The following KSR2 variants were observed in gnomAD, a reference collection of about 807,000 sequenced individuals.
The protein encoded by KSR2 is kinase suppressor of ras 2.
KSR2 carries 25 observed loss-of-function variants against 107.8 expected under a neutral mutation model. The ratio of observed to expected loss-of-function variants is 0.23; its 90% CI spans 0.17 to 0.32. KSR2 has a LOEUF of 0.32. Ranked by LOEUF, KSR2 falls within the 10% of genes least tolerant of loss-of-function variation. KSR2 has a pLI of 1.00. For synonymous variants in KSR2, 480 were observed against 507.0 expected (o/e 0.95, Z 0.71); for missense variants, 887 against 1,268.9 (o/e 0.70, Z 4.57).
chr12:117,791,860 CTG>C (rs2136975972), intron 3 of KSR2, among the ~76,000 whole-genome samples: 1 of 152,330 alleles, frequency 6.6e-6, no homozygotes, highest in East Asian at 1.9e-4. Context: ...TAAACGTACT[CTG>C]TGTATTTTAG....
intron 19 of KSR2, among the ~76,000 whole-genome samples, chr12:117,469,103 C>T (rs550551077): frequency 2.2e-4 from 33 of 152,268 alleles, no homozygotes; most frequent in African/African-American, 7.9e-4. Context: ...CTCATTATCT[C>T]AGATAGAGCT....
intron 5 of KSR2, among the ~76,000 whole-genome samples, chr12:117,633,461 A>T (rs971986438): frequency 6.6e-6 from 1 of 152,140 alleles, no homozygotes; most frequent in Non-Finnish European, 1.5e-5. Context: ...AAAATCACAA[A>T]CCGTGTGCCT....
intron 7 of KSR2, among the ~76,000 whole-genome samples, chr12:117,560,049 T>G (rs1165706324): frequency 6.6e-6 from 1 of 152,180 alleles, no homozygotes; most frequent in Non-Finnish European, 1.5e-5. Flanking sequence ...CTCTTTAAAA[T>G]AATGGTTTGA....
chr12:117,639,628 C>CATATTATTATTATTA (rs1565939319), intron 5 of KSR2, among the ~76,000 whole-genome samples: 1 of 52,186 alleles, frequency 1.9e-5, no homozygotes, highest in Non-Finnish European at 3.8e-5. Flanking sequence ...CCGCACCCAG[C>CATATTATTATTATTA]GTATTATTAT....
At chr12:117,607,337 C>T (rs1881330765) in intron 5 of KSR2, among the ~76,000 whole-genome samples, 2 of 152,266 alleles carry the variant, frequency 1.3e-5, no homozygotes, top group South Asian at 2.1e-4. Context: ...TAGTCTTCTC[C>T]GTGACTATGG....
intron 4 of KSR2, among the ~76,000 whole-genome samples, chr12:117,724,688 A>G (rs1170900197): frequency 6.6e-6 from 1 of 152,092 alleles, no homozygotes; most frequent in Non-Finnish European, 1.5e-5. Flanking sequence ...GCATCAGCCC[A>G]GATGCACAAG....
intron 3 of KSR2, among the ~76,000 whole-genome samples, chr12:117,827,013 C>T (rs60268797): frequency 0.066 from 9,353 of 140,972 alleles, 741 homozygotes; most frequent in East Asian, 0.32. Flanking sequence ...CCAGCCTGGC[C>T]GACACAGTGA....
intron 1 of KSR2, among the ~76,000 whole-genome samples, chr12:117,903,963 T>TA (rs1391598211): frequency 1.3e-5 from 2 of 152,086 alleles, no homozygotes; most frequent in Admixed American, 1.3e-4. Context: ...CATGCCACTG[T>TA]ACTCCAGCCT....
intron 4 of KSR2, among the ~76,000 whole-genome samples, chr12:117,755,781 T>G (rs1470645677): frequency 1.3e-5 from 2 of 152,262 alleles, no homozygotes; most frequent in African/African-American, 4.8e-5. Flanking sequence ...GCTAGGCTTC[T>G]TATGCCAAAT....
intron 1 of KSR2, among the ~76,000 whole-genome samples, chr12:117,908,706 T>C (rs1894926030): frequency 6.6e-6 from 1 of 152,212 alleles, no homozygotes; most frequent in Non-Finnish European, 1.5e-5. Context: ...AGTATTCAGT[T>C]GATGCAAACA....
At chr12:117,801,502 T>C (rs1318059639) in intron 3 of KSR2, among the ~76,000 whole-genome samples, 1 of 152,068 alleles carries the variant, frequency 6.6e-6, no homozygotes, top group Non-Finnish European at 1.5e-5. Context: ...AAGGATGATG[T>C]TGGCTGGCAT....
intron 5 of KSR2, among the ~76,000 whole-genome samples, chr12:117,584,764 T>A (rs1879889512): frequency 1.3e-5 from 2 of 152,344 alleles, no homozygotes; most frequent in South Asian, 4.1e-4. Flanking sequence ...GATTACTCAG[T>A]AGGTGCTAGG....
chr12:117,593,092 T>C (rs538439914), intron 5 of KSR2, among the ~76,000 whole-genome samples: 269 of 152,308 alleles, frequency 1.8e-3, no homozygotes, highest in African/African-American at 6.2e-3. Context: ...CAAAGGCAGC[T>C]TGGAGACCTG....
intron 9 of KSR2, among the ~76,000 whole-genome samples, chr12:117,548,258 T>C (rs1877025868): frequency 6.6e-6 from 1 of 152,132 alleles, no homozygotes; most frequent in Admixed American, 6.5e-5. Context: ...CAGGTTTGCA[T>C]TGCAATGGTC....
At chr12:117,693,608 A>G (rs1885923709) in intron 4 of KSR2, among the ~76,000 whole-genome samples, 1 of 152,216 alleles carries the variant, frequency 6.6e-6, no homozygotes, top group African/African-American at 2.4e-5. Flanking sequence ...GCATGTCTGC[A>G]TGGTCCTCAG....
chr12:117,776,523 T>C (rs1374134515), intron 3 of KSR2, among the ~76,000 whole-genome samples: 2 of 152,172 alleles, frequency 1.3e-5, no homozygotes, highest in African/African-American at 4.8e-5. Context: ...ATACTCAAGA[T>C]ACCATCCTCA....
intron 1 of KSR2, among the ~76,000 whole-genome samples, chr12:117,956,106 C>T (rs950306014): frequency 3.3e-5 from 5 of 151,510 alleles, no homozygotes; most frequent in Non-Finnish European, 5.9e-5. Context: ...AAAAATTAGC[C>T]AGGCGTGGTG....
chr12:117,542,058 A>C (rs1046581776), intron 9 of KSR2, among the ~76,000 whole-genome samples: 2 of 151,800 alleles, frequency 1.3e-5, no homozygotes, highest in South Asian at 4.2e-4. Context: ...GCTTTAAAAC[A>C]CTTTTTTTGG....
chr12:117,893,879 G>C (rs373504748), intron 1 of KSR2, among the ~76,000 whole-genome samples: 2 of 150,758 alleles, frequency 1.3e-5, no homozygotes, highest in African/African-American at 4.9e-5. Context: ...AAAATTCATA[G>C]CCAGAAAAAT....
Sources: gnomAD v4.1 joint callset for allele counts (sites outside exome capture counted in the v4.1 genomes callset) on GRCh38, gnomAD v4.1.1 for gene constraint, MANE v1.5 for transcripts, NCBI Gene and HGNC (gene_info 2026-07-23, HGNC 2026-07-21) for gene names.